Variants in CFAP70 observed in about 807,000 individuals in gnomAD.
The protein encoded by CFAP70 is cilia- and flagella-associated protein 70.
A neutral mutation model predicts 137.6 loss-of-function variants in CFAP70; 81 were observed. The ratio of observed to expected loss-of-function variants is 0.59; its 90% CI spans 0.49 to 0.71. The LOEUF (loss-of-function observed/expected upper bound fraction) is 0.71, where lower values mean the gene tolerates loss of function less well. Among genes scored for constraint, CFAP70 ranks in the 30% least tolerant of loss-of-function variants. The pLI is 0.00. For synonymous variants in CFAP70, 382 were observed against 423.6 expected (o/e 0.90, Z 1.20); for missense variants, 976 against 1,226.7 (o/e 0.80, Z 3.05).
exon 14 of CFAP70, chr10:73,299,020 C>A: frequency 6.2e-7 from 1 of 1,613,908 alleles, no homozygotes; most frequent in South Asian, 1.1e-5. Context: ...AGTTTGGCCA[C>A]CTGTTTTCCA....
intron 4 of CFAP70, among the ~76,000 whole-genome samples, chr10:73,346,706 CAAAG>C (rs2053747920): frequency 6.6e-6 from 1 of 151,576 alleles, no homozygotes; most frequent in African/African-American, 2.4e-5. Flanking sequence ...GATATAAAGA[CAAAG>C]AAGACATAGT....
chr10:73,326,999 C>T (rs1348109022), intron 8 of CFAP70, among the ~76,000 whole-genome samples: 1 of 151,662 alleles, frequency 6.6e-6, no homozygotes, highest in Non-Finnish European at 1.5e-5. Flanking sequence ...AGGCCAGCAT[C>T]ATCCTGATAC....
intron 7 of CFAP70, among the ~76,000 whole-genome samples, chr10:73,333,613 G>C (rs913889621): frequency 2.0e-5 from 3 of 149,274 alleles, no homozygotes; most frequent in Non-Finnish European, 4.4e-5. Flanking sequence ...ATTTAAAGTT[G>C]TGAAAGAAAA....
At chr10:73,289,144 T>C (rs775132603) in intron 19 of CFAP70, among the ~76,000 whole-genome samples, 58 of 152,112 alleles carry the variant, frequency 3.8e-4, no homozygotes, top group African/African-American at 9.7e-4. Context: ...TCCAGGCTAA[T>C]AGAATTGATT....
chr10:73,352,949 T>C (rs2054391025), intron 3 of CFAP70, among the ~76,000 whole-genome samples: 1 of 152,218 alleles, frequency 6.6e-6, no homozygotes, highest in African/African-American at 2.4e-5. Flanking sequence ...TGTTATTGAT[T>C]TCTAATTTTG....
chr10:73,295,398 AGGGAG>A (rs2048478326), intron 15 of CFAP70: 1 of 74,128 alleles, frequency 1.3e-5, no homozygotes, highest in African/African-American at 5.3e-5. Flanking sequence ...GAAGGGAGGG[AGGGAG>A]GGAGGGAAGA....
chr10:73,272,812 G>C, intron 24 of CFAP70, 116 bp downstream of exon 25: 1 of 872,890 alleles, frequency 1.1e-6, no homozygotes, highest in Non-Finnish European at 1.9e-6. Flanking sequence ...TTTCATTACA[G>C]CAGACAGCCC....
chr10:73,308,628 C>CA (rs201416589), intron 12 of CFAP70, among the ~76,000 whole-genome samples: 1,610 of 63,930 alleles, frequency 0.025, 37 homozygotes, highest in African/African-American at 0.065. Context: ...AACTCCGTCT[C>CA]AAAAAAAAAA....
chr10:73,284,739 C>CATATATAT (rs539417737), intron 19 of CFAP70, among the ~76,000 whole-genome samples: 2 of 27,498 alleles, frequency 7.3e-5, no homozygotes, highest in African/African-American at 8.2e-5. Flanking sequence ...TGACCTGCCA[C>CATATATAT]ATATATATAT....
At chr10:73,348,353 T>A (rs1187314726) in intron 4 of CFAP70, 70 bp downstream of exon 4, 1 of 1,545,392 alleles carries the variant, frequency 6.5e-7, no homozygotes, top group African/African-American at 1.4e-5. Context: ...GAGGCTAATT[T>A]CTATATCTCT....
chr10:73,319,944 T>C (rs1036342249), intron 9 of CFAP70, among the ~76,000 whole-genome samples: 1 of 152,210 alleles, frequency 6.6e-6, no homozygotes, highest in Non-Finnish European at 1.5e-5. Context: ...ACCTTGCCCA[T>C]TAAGAAAAAG....
chr10:73,274,866 A>G (rs1784796327), intron 22 of CFAP70: 3 of 421,936 alleles, frequency 7.1e-6, no homozygotes, highest in Non-Finnish European at 1.3e-5. Flanking sequence ...ACATTCAAGC[A>G]TAACCCCAAT....
At chr10:73,329,062 T>A (rs2051785121) in intron 8 of CFAP70, among the ~76,000 whole-genome samples, 1 of 152,026 alleles carries the variant, frequency 6.6e-6, no homozygotes, top group Non-Finnish European at 1.5e-5. Context: ...GCGGCACTAT[T>A]CACAATAGCA....
At chr10:73,268,479 C>T (rs1217883999) in intron 25 of CFAP70, among the ~76,000 whole-genome samples, 1 of 152,058 alleles carries the variant, frequency 6.6e-6, no homozygotes, top group East Asian at 1.9e-4. Context: ...TGAACTCAAA[C>T]CTGTTGAATG....
chr10:73,348,318 T>A, intron 4 of CFAP70, 83 bp from the exon 5 acceptor site: 1 of 1,530,918 alleles, frequency 6.5e-7, no homozygotes, highest in Non-Finnish European at 9.0e-7. Flanking sequence ...TGCCTACTTT[T>A]CCCCTCAAAT....
intron 10 of CFAP70, 116 bp downstream of exon 11, chr10:73,312,357 A>C: frequency 2.6e-6 from 2 of 778,840 alleles, no homozygotes; most frequent in Non-Finnish European, 4.2e-6. Flanking sequence ...CCAGAACTTA[A>C]AGTAAAATTA....
intron 9 of CFAP70, among the ~76,000 whole-genome samples, chr10:73,321,344 G>A (rs1203638164): frequency 6.6e-6 from 1 of 152,098 alleles, no homozygotes; most frequent in Non-Finnish European, 1.5e-5. Context: ...CTTGAACCCG[G>A]GAGAAAGAGG....
chr10:73,312,451 C>T (rs868648982), intron 10 of CFAP70, 22 bp downstream of exon 11: 1 of 1,549,838 alleles, frequency 6.5e-7, no homozygotes, highest in African/African-American at 1.4e-5. Context: ...GAGGCAAAAT[C>T]ATCACCTTCT....
At chr10:73,299,161 G>T in intron 13 of CFAP70, 60 bp from the exon 15 acceptor site, 1 of 1,247,500 alleles carries the variant, frequency 8.0e-7, no homozygotes, top group Non-Finnish European at 1.1e-6. Flanking sequence ...TGGATTGGAA[G>T]TCTAAAACTG....
Sources: gnomAD v4.1 joint callset for allele counts (sites outside exome capture counted in the v4.1 genomes callset) on GRCh38, gnomAD v4.1.1 for gene constraint, MANE v1.5 for transcripts, NCBI Gene and HGNC (gene_info 2026-07-23, HGNC 2026-07-21) for gene names.